Variants in SGCZ observed in about 807,000 individuals in gnomAD.
SGCZ encodes the protein sarcoglycan zeta.
Under a neutral mutation model 41.3 loss-of-function variants are expected in SGCZ, and 40 were observed. That is an observed-to-expected ratio of 0.97 (90% confidence interval 0.75 to 1.26). The LOEUF (loss-of-function observed/expected upper bound fraction) is 1.26, where lower values mean the gene tolerates loss of function less well. SGCZ is among the 50% of genes most tolerant of loss of function. SGCZ has a pLI of 0.00. For synonymous variants in SGCZ, 206 were observed against 137.5 expected, an observed-to-expected ratio of 1.50 and a Z score of -3.49; for missense variants, 552 against 369.8, an observed-to-expected ratio of 1.49 and a Z score of -4.04.
chr8:14,856,113 G>A (rs140552317), intron 1 of SGCZ, among the ~76,000 whole-genome samples: 43 of 152,300 alleles, frequency 2.8e-4, no homozygotes, highest in African/African-American at 9.9e-4. Flanking sequence ...GTCGAGGATA[G>A]GATTAAGGAT....
chr8:15,217,148 T>G (rs974989172), intron 1 of SGCZ, among the ~76,000 whole-genome samples: 32 of 152,078 alleles, frequency 2.1e-4, no homozygotes, highest in African/African-American at 7.5e-4. Flanking sequence ...CCGGGCGCGG[T>G]GGCTCACGCC....
chr8:15,080,042 T>G (rs1805682259), intron 1 of SGCZ, among the ~76,000 whole-genome samples: 1 of 152,060 alleles, frequency 6.6e-6, no homozygotes, highest in African/African-American at 2.4e-5. Context: ...CCTTCGCCAT[T>G]TTTTTTATCT....
Position 14,918,013 on chromosome 8 carries a change from A to G in SGCZ, c.39+319572T>C, listed in dbSNP as rs576313450. Reference sequence around the variant, plus strand: ...TTATTTAAATATGAAAGACATATCTATTTTTAAAATGCCCTCTTGGCAAGT... The same window carrying G: ...TTATTTAAATATGAAAGACATATCTGTTTTTAAAATGCCCTCTTGGCAAGT... On this transcript the variant is annotated intron_variant, in intron 1 of 7. Transcript: ENST00000382080. 2.0e-5 allele frequency among the ~76,000 whole-genome samples: 3 copies of G among 152,280 alleles called. No homozygotes were observed. The South Asian group carries it at 6.2e-4, about 32-fold the overall frequency.
At chr8:14,439,455 G>A (rs945002689) in intron 2 of SGCZ, among the ~76,000 whole-genome samples, 5 of 151,446 alleles carry the variant, frequency 3.3e-5, no homozygotes, top group African/African-American at 7.3e-5. Context: ...TTACTCAGAT[G>A]CCAAAATCAG....
chr8:14,434,263 G>T (rs888134170), intron 2 of SGCZ, among the ~76,000 whole-genome samples: 1 of 152,160 alleles, frequency 6.6e-6, no homozygotes, highest in Non-Finnish European at 1.5e-5. Context: ...CTTTGTCAAA[G>T]ATCAGTTGGC....
At chr8:14,304,553 A>G (rs1443137734) in intron 3 of SGCZ, among the ~76,000 whole-genome samples, 1 of 152,318 alleles carries the variant, frequency 6.6e-6, no homozygotes, top group Middle Eastern at 3.4e-3. Flanking sequence ...TCATCATGCA[A>G]CTGCAATCCA....
chr8:14,408,669 T>A (rs1328815629), intron 2 of SGCZ, among the ~76,000 whole-genome samples: 1 of 152,120 alleles, frequency 6.6e-6, no homozygotes, highest in Admixed American at 6.6e-5. Context: ...AGGCTGTGAG[T>A]TATCTCACCT....
intron 2 of SGCZ, among the ~76,000 whole-genome samples, chr8:14,402,091 G>C (rs1242143582): frequency 6.6e-6 from 1 of 152,152 alleles, no homozygotes; most frequent in African/African-American, 2.4e-5. Context: ...GTCTTCTTTT[G>C]AGAAGTGTCT....
chr8:14,867,831 G>C (rs1163371831), intron 1 of SGCZ, among the ~76,000 whole-genome samples: 1 of 151,660 alleles, frequency 6.6e-6, no homozygotes, highest in African/African-American at 2.4e-5. Context: ...TTAGTACCTG[G>C]GTGATGAAAT....
At chr8:14,759,698 C>T (rs1317969580) in intron 1 of SGCZ, among the ~76,000 whole-genome samples, 1 of 152,214 alleles carries the variant, frequency 6.6e-6, no homozygotes, top group Non-Finnish European at 1.5e-5. Flanking sequence ...CCAATTAGTC[C>T]CTTATGAATT....
intron 2 of SGCZ, among the ~76,000 whole-genome samples, chr8:14,448,759 A>G (rs1800506971): frequency 6.6e-6 from 1 of 152,172 alleles, no homozygotes; most frequent in South Asian, 2.1e-4. Context: ...ATGCAAAGGC[A>G]AACACCACAC....
At chr8:14,752,029 G>A (rs561459457) in intron 1 of SGCZ, among the ~76,000 whole-genome samples, 68 of 148,006 alleles carry the variant, frequency 4.6e-4, no homozygotes, top group African/African-American at 1.6e-3. Context: ...AAAGAAAAGG[G>A]AAAGTGAAGA....
chr8:14,283,497 C>A (rs970489876), intron 3 of SGCZ, among the ~76,000 whole-genome samples: 1 of 152,162 alleles, frequency 6.6e-6, no homozygotes, highest in South Asian at 2.1e-4. Flanking sequence ...AATTTCTCAA[C>A]ACTCTTTTCA....
chr8:14,953,232 G>C (rs1163419674), intron 1 of SGCZ, among the ~76,000 whole-genome samples: 1 of 152,076 alleles, frequency 6.6e-6, no homozygotes, highest in Non-Finnish European at 1.5e-5. Context: ...TACAGTCATG[G>C]TGCAAGGCGA....
At chr8:14,472,218 C>A (rs757883637) in intron 2 of SGCZ, among the ~76,000 whole-genome samples, 1 of 151,894 alleles carries the variant, frequency 6.6e-6, no homozygotes, top group Non-Finnish European at 1.5e-5. Flanking sequence ...TCTCAGTAAT[C>A]TTTTTGAAAT....
At chr8:14,856,061 A>T (rs1201793723) in intron 1 of SGCZ, among the ~76,000 whole-genome samples, 1 of 152,240 alleles carries the variant, frequency 6.6e-6, no homozygotes, top group East Asian at 1.9e-4. Context: ...CCCTATGACT[A>T]ATACATTGTA....
chr8:14,794,923 C>T (rs1446528009), intron 1 of SGCZ, among the ~76,000 whole-genome samples: 2 of 152,124 alleles, frequency 1.3e-5, no homozygotes, highest in African/African-American at 2.4e-5. Flanking sequence ...CAATGAAGAA[C>T]AGTATGTCCA....
intron 1 of SGCZ, among the ~76,000 whole-genome samples, chr8:14,836,493 C>A (rs952195330): frequency 2.6e-5 from 4 of 152,130 alleles, no homozygotes; most frequent in Admixed American, 2.6e-4. Context: ...ATTTACCCAA[C>A]ACTCACAATT....
rs185542140 is a variant in SGCZ at position 14,407,009 on chromosome 8, C to G, written c.235-82805G>C. On this transcript the variant is annotated intron_variant, in intron 2 of 7. Coordinates refer to ENST00000382080, the MANE Select transcript of SGCZ (RefSeq NM_139167.4). ...ACTAAGCCTTGATTTTGGAGCCTGC[C>G]TGTCCTGCATCAATATGAATATAAA... 1.4e-3 allele frequency among the ~76,000 whole-genome samples: 211 copies of G among 151,790 alleles called. 1 individual carries two copies. The highest frequency in any genetic ancestry group is 2.5e-3 in the Non-Finnish European group (168 of 67,968).
Sources: gnomAD v4.1 joint callset for allele counts (sites outside exome capture counted in the v4.1 genomes callset) on GRCh38, gnomAD v4.1.1 for gene constraint, MANE v1.5 for transcripts, NCBI Gene and HGNC (gene_info 2026-07-23, HGNC 2026-07-21) for gene names.